Variants in DIP2B observed in about 807,000 individuals in gnomAD.
DIP2B encodes DIP2 acetate--CoA ligase B (putative).
In DIP2B, 76 loss-of-function variants were observed where a neutral mutation model predicts 198.0. The ratio of observed to expected loss-of-function variants is 0.38; its 90% confidence interval spans 0.32 to 0.46. The LOEUF is 0.46. Among genes scored for constraint, DIP2B ranks in the 20% least tolerant of loss-of-function variants. The pLI, the probability that DIP2B is intolerant of heterozygous loss-of-function variation, is 0.99. For synonymous variants in DIP2B, 701 were observed against 739.1 expected, an observed-to-expected ratio of 0.95 and a Z score of 0.84; for missense variants, 1,559 against 1,978.4, an observed-to-expected ratio of 0.79 and a Z score of 4.02.
intron 17 of DIP2B, 127 bp from the exon 18 acceptor site, chr12:50,698,201 T>C: frequency 8.3e-7 from 1 of 1,208,698 alleles, no homozygotes; most frequent in Non-Finnish European, 1.1e-6. Flanking sequence ...TAATTTGGCA[T>C]ATTTTTGGGA....
intron 3 of DIP2B, among the ~76,000 whole-genome samples, chr12:50,646,110 G>C (rs1020906964): frequency 6.6e-6 from 1 of 151,844 alleles, no homozygotes; most frequent in South Asian, 2.1e-4. Flanking sequence ...CTTAATTATT[G>C]TTTATTTATT....
intron 1 of DIP2B, among the ~76,000 whole-genome samples, chr12:50,623,392 TACACACACACACACACACACACAC>T (rs55689070): frequency 3.2e-5 from 3 of 94,400 alleles, no homozygotes; most frequent in East Asian, 3.2e-4. Flanking sequence ...TATATGTATC[TACACACACACACACACACACACAC>T]ACACACACAC....
chr12:50,581,994 C>T lies in DIP2B; in HGVS notation c.101-43982C>T, dbSNP rs563231772. On this transcript the variant is annotated intron_variant, in intron 1 of 37. Transcript: ENST00000301180. ...TGCACTGAATCCTCGAGTTAGGCCC[C>T]CTTGTCTCAGGCAGCCCTGGACCTG... Among the ~76,000 whole-genome samples, 811 of 152,182 alleles carry T rather than the reference C, an allele frequency of 5.3e-3. 7 individuals carry two copies. The highest frequency in any genetic ancestry group is 0.018 in the African/African-American group (741 of 41,500).
intron 1 of DIP2B, among the ~76,000 whole-genome samples, chr12:50,606,249 T>A (rs541497122): frequency 1.3e-5 from 2 of 152,258 alleles, no homozygotes; most frequent in East Asian, 3.9e-4. Flanking sequence ...GCCTTTTGAA[T>A]AGCTATGGCT....
At chr12:50,630,626 A>G (rs537741595) in intron 2 of DIP2B, among the ~76,000 whole-genome samples, 2 of 151,098 alleles carry the variant, frequency 1.3e-5, no homozygotes, top group East Asian at 3.9e-4. Context: ...AGGACTTTAG[A>G]ATGCTTTGAT....
At chr12:50,608,850 A>C (rs371129678) in intron 1 of DIP2B, among the ~76,000 whole-genome samples, 1 of 152,012 alleles carries the variant, frequency 6.6e-6, no homozygotes, top group Admixed American at 6.5e-5. Context: ...CAGTGCAAAA[A>C]ATATTTATTA....
At chr12:50,584,092 C>G (rs1958748447) in intron 1 of DIP2B, among the ~76,000 whole-genome samples, 1 of 152,182 alleles carries the variant, frequency 6.6e-6, no homozygotes, top group Admixed American at 6.5e-5. Context: ...TTTATTTACA[C>G]TCTCTCCCAT....
chr12:50,602,766 G>A (rs1305260628), intron 1 of DIP2B, among the ~76,000 whole-genome samples: 2 of 151,574 alleles, frequency 1.3e-5, no homozygotes, highest in Admixed American at 1.3e-4. Flanking sequence ...GGCTGAGGCG[G>A]GAGAATCACT....
At chr12:50,593,083 T>G (rs1039801891) in intron 1 of DIP2B, among the ~76,000 whole-genome samples, 1 of 152,236 alleles carries the variant, frequency 6.6e-6, no homozygotes, top group African/African-American at 2.4e-5. Flanking sequence ...AAGTTTATGC[T>G]TCTACAGCCT....
chr12:50,542,492 T>C (rs1958335723), intron 1 of DIP2B, among the ~76,000 whole-genome samples: 1 of 152,152 alleles, frequency 6.6e-6, no homozygotes, highest in Admixed American at 6.6e-5. Context: ...CTGTGCTATA[T>C]AGAGTATTAT....
chr12:50,609,132 C>A (rs1379130666), intron 1 of DIP2B, among the ~76,000 whole-genome samples: 14 of 150,100 alleles, frequency 9.3e-5, no homozygotes, highest in Admixed American at 2.7e-4. Flanking sequence ...CACTCCGTCT[C>A]AAAAAAAATA....
At chr12:50,663,681 G>T (rs534366547) in intron 4 of DIP2B, among the ~76,000 whole-genome samples, 1 of 151,532 alleles carries the variant, frequency 6.6e-6, no homozygotes, top group South Asian at 2.1e-4. Flanking sequence ...ACCAGCCTGT[G>T]CAATATAGCG....
intron 1 of DIP2B, among the ~76,000 whole-genome samples, chr12:50,570,046 C>A (rs972921881): frequency 7.2e-5 from 11 of 152,106 alleles, no homozygotes; most frequent in African/African-American, 2.7e-4. Context: ...GCTCTGATTC[C>A]TTTATGAGAG....
chr12:50,660,043 G>A, intron 3 of DIP2B, 151 bp from the exon 4 acceptor site: 1 of 759,530 alleles, frequency 1.3e-6, no homozygotes, highest in South Asian at 3.8e-5. Flanking sequence ...ATTTCTAATT[G>A]GTCTTAATCA....
At chr12:50,581,341 T>C (rs926915168) in intron 1 of DIP2B, among the ~76,000 whole-genome samples, 1 of 149,422 alleles carries the variant, frequency 6.7e-6, no homozygotes, top group Non-Finnish European at 1.5e-5. Flanking sequence ...AAATGTCCTT[T>C]GTGGCTCTCA....
chr12:50,554,144 A>G (rs1465176061), intron 1 of DIP2B, among the ~76,000 whole-genome samples: 2 of 151,820 alleles, frequency 1.3e-5, no homozygotes, highest in Non-Finnish European at 2.9e-5. Flanking sequence ...TCCTTAACTG[A>G]TTCTTTTTGG....
intron 5 of DIP2B, among the ~76,000 whole-genome samples, chr12:50,672,392 A>G (rs1483327028): frequency 6.6e-6 from 1 of 152,168 alleles, no homozygotes; most frequent in East Asian, 1.9e-4. Flanking sequence ...AGCAGCTACA[A>G]AGATTTGCGT....
intron 1 of DIP2B, among the ~76,000 whole-genome samples, chr12:50,575,126 C>T (rs1223636616): frequency 6.6e-6 from 1 of 152,120 alleles, no homozygotes; most frequent in Non-Finnish European, 1.5e-5. Context: ...CCCTTGGACA[C>T]AGTTTTAACT....
At chr12:50,660,440 A>G (rs984377626) in intron 4 of DIP2B, 121 bp downstream of exon 4, 2 of 1,177,748 alleles carry the variant, frequency 1.7e-6, no homozygotes, top group African/African-American at 3.1e-5. Flanking sequence ...GAGGAATGTA[A>G]GAGAACACTC....
Sources: allele counts gnomAD v4.1 joint callset (sites outside exome capture counted in the v4.1 genomes callset), GRCh38; gene constraint gnomAD v4.1.1; transcripts MANE v1.5; gene names NCBI Gene and HGNC (gene_info 2026-07-23, HGNC 2026-07-21).